SHANK1: variants seen among roughly 807,000 people sequenced by gnomAD.
The protein encoded by SHANK1 is SH3 and multiple ankyrin repeat domains protein 1.
In SHANK1, 35 loss-of-function variants were observed where a neutral mutation model predicts 165.6. That is an observed-to-expected ratio of 0.21 (90% CI 0.16 to 0.28). SHANK1 has a LOEUF of 0.28. SHANK1 is among the 10% of genes least tolerant of loss of function. The pLI is 1.00. For synonymous variants in SHANK1, 1,428 were observed against 1,384.8 expected (o/e 1.03, Z -0.69); for missense variants, 2,681 against 3,036.4 (o/e 0.88, Z 2.75).
intron 15 of SHANK1, among the ~76,000 whole-genome samples, chr19:50,695,886 G>A (rs1986723197): frequency 6.6e-6 from 1 of 152,192 alleles, no homozygotes; most frequent in South Asian, 2.1e-4. Flanking sequence ...GCGGGGAGGG[G>A]GCGGCACACG....
In SHANK1 at chr19:50,703,626, G is replaced by C. The variant is rs1011608153; in HGVS notation, c.1427C>G (p.Ala476Gly). 6.5e-7 allele frequency: 1 copy of C among 1,549,210 alleles called. No individual in the cohort carries two copies. The highest frequency in any genetic ancestry group is 8.7e-7 in the Non-Finnish European group (1 of 1,149,388). Residue 476 changes from alanine to glycine, a missense_variant, in exon 11 of 24, where the codon GCC becomes GGC. Ala to Gly is a moderately conservative substitution (Grantham distance 60). This residue lies in a region of SHANK1 where 195 missense variants were observed against 186.2 expected (regional missense o/e 1.05). Transcript: ENST00000293441. ...SGSQGQSQPS[A>G]PTTKLSSGTL... is the part of the protein sequence containing the mutation. ...CCCGCTGCTGAGCTTGGTGGTGGGGGCCGAGGGCTGCGACTGGCCCTGGGA... is the reference window on the plus strand; with the variant it reads ...CCCGCTGCTGAGCTTGGTGGTGGGGCCCGAGGGCTGCGACTGGCCCTGGGA...
intron 15 of SHANK1, among the ~76,000 whole-genome samples, chr19:50,694,384 T>C (rs1281741020): frequency 6.7e-6 from 1 of 149,630 alleles, no homozygotes; most frequent in African/African-American, 2.5e-5. Context: ...ATGGGGGGAC[T>C]TGCCAACACC....
intron 12 of SHANK1, among the ~76,000 whole-genome samples, chr19:50,698,321 G>A (rs539574254): frequency 6.6e-6 from 1 of 152,112 alleles, no homozygotes; most frequent in East Asian, 1.9e-4. Flanking sequence ...CGGATGGGGC[G>A]ACAAGTTCTA....
chr19:50,704,045 C>T, intron 10 of SHANK1, 75 bp downstream of exon 10: 3 of 1,481,742 alleles, frequency 2.0e-6, no homozygotes, highest in South Asian at 2.3e-5. Flanking sequence ...AGTCAGGTCC[C>T]CCAACTCCCC....
intron 22 of SHANK1, among the ~76,000 whole-genome samples, chr19:50,671,537 T>A (rs905822451): frequency 1.3e-5 from 2 of 151,180 alleles, no homozygotes; most frequent in Admixed American, 6.6e-5. Context: ...CTAGATAATT[T>A]TCTTGCTTAT....
intron 21 of SHANK1, among the ~76,000 whole-genome samples, chr19:50,680,098 A>G (rs1986128576): frequency 6.6e-6 from 1 of 151,990 alleles, no homozygotes; most frequent in Non-Finnish European, 1.5e-5. Flanking sequence ...ACAGAGACAA[A>G]GAGACAAAGA....
At position 50,713,210 on chromosome 19, in the gene SHANK1, C is replaced by T. The variant is rs575066721; in HGVS notation, c.792+588G>A. The stretch of plus-strand genomic sequence containing the variant: ...TGTGAAGAGCAATCAGGTGTCCTGG[C>T]GGGGGCAGGGGGAGAAGAGTATTTT... On this transcript the variant is annotated intron_variant, in intron 6 of 23. Coordinates refer to ENST00000293441, the MANE Select transcript of SHANK1 (RefSeq NM_016148.5). This position sits in a 1 kb window ranked among gnomAD's most constrained non-coding sequence, Gnocchi z 6.2. Among the ~76,000 whole-genome samples the T allele has an allele frequency of 2.6e-5, 4 of 152,142 alleles. No homozygotes were observed. Among genetic ancestry groups the T allele is most frequent in the Non-Finnish European group, 2.9e-5 (2 of 67,992 alleles).
chr19:50,707,730 A>T (rs952080952), intron 8 of SHANK1, among the ~76,000 whole-genome samples: 5 of 151,732 alleles, frequency 3.3e-5, no homozygotes, highest in Non-Finnish European at 2.9e-5. Flanking sequence ...GACGACTCTG[A>T]CTGCCAAAGT....
At chr19:50,700,307 G>C (rs1445902430) in intron 12 of SHANK1, among the ~76,000 whole-genome samples, 1 of 145,572 alleles carries the variant, frequency 6.9e-6, no homozygotes, top group Non-Finnish European at 1.5e-5. Flanking sequence ...GGAGGGCTCG[G>C]GGCATTGGAG....
Position 50,719,683 on chromosome 19 carries a change from C to T in SHANK1, c.-321G>A, listed in dbSNP as rs1027129399. Among the ~76,000 whole-genome samples, 2 of 149,572 alleles carry T rather than the reference C, an allele frequency of 1.3e-5. No individual in the cohort carries two copies. Among genetic ancestry groups the T allele is most frequent in the Non-Finnish European group, 3.0e-5 (2 of 66,818 alleles). ...TCGCCCGCCCCCGGCTCGGTCCGGC[C>T]GGCTCCGGGCGCCGCGTCTCCGCCT... On this transcript the variant is annotated 5_prime_UTR_variant, in exon 1 of 24. Transcript: ENST00000293441.
intron 21 of SHANK1, among the ~76,000 whole-genome samples, chr19:50,678,140 G>A (rs777393785): frequency 1.3e-5 from 2 of 152,174 alleles, no homozygotes; most frequent in African/African-American, 2.4e-5. Flanking sequence ...GAAAGAGGCC[G>A]TGGATCAGAG....
At position 50,662,351 on chromosome 19, in the gene SHANK1, C is replaced by T; in HGVS notation, c.6100G>A (p.Asp2034Asn). The change falls in exon 24 of 24, where the codon GAC becomes AAC. Residue 2034 changes from aspartate (D) to asparagine (N), a missense_variant. Transcript: ENST00000293441. The surrounding 1 kb of genome is among the most constrained non-coding windows in gnomAD (Gnocchi z 7.7). ...CCTCCAGTTGGGGAGCCACGGATGTCAAAGAGGCCTGGGTAGAGGGGTCCG... is the reference window on the plus strand; with the variant it reads ...CCTCCAGTTGGGGAGCCACGGATGTTAAAGAGGCCTGGGTAGAGGGGTCCG... ...PSGPLYPGLF[D>N]IRGSPTGGAG... 1 of 1,599,286 alleles carries T rather than the reference C, an allele frequency of 6.3e-7. No homozygotes were observed. The highest frequency in any genetic ancestry group is 8.5e-7 in the Non-Finnish European group (1 of 1,171,418).
At position 50,711,968 on chromosome 19, in the gene SHANK1, G is replaced by A. The variant is rs144903025; in HGVS notation, c.939C>T (p.Asn313=). 2.4e-4 allele frequency: 391 copies of A among 1,613,934 alleles called. No individual in the cohort carries two copies. Among genetic ancestry groups the A allele is most frequent in the Non-Finnish European group, 2.8e-4 (328 of 1,180,020 alleles). Residue 313 remains asparagine, a synonymous_variant, in exon 7 of 24, where the codon AAC becomes AAT. Transcript: ENST00000293441. The part of the protein sequence containing the change: ...NRAQLGIADE[N]GWQEIHQACQ... ...GCACCTGGTGGATTTCCTGCCAGCCGTTCTCATCAGCTATGCCCAGCTGGG... is the reference window on the plus strand; with the variant it reads ...GCACCTGGTGGATTTCCTGCCAGCCATTCTCATCAGCTATGCCCAGCTGGG...
Position 50,662,634 on chromosome 19 carries a change from G to A in SHANK1, c.5817C>T (p.Ser1939=), listed in dbSNP as rs1234183161. The change falls in exon 24 of 24, where the codon AGC becomes AGT. Residue 1939 remains serine, a synonymous_variant. Coordinates refer to ENST00000293441, the MANE Select transcript of SHANK1 (RefSeq NM_016148.5). The surrounding 1 kb of genome is among the most constrained non-coding windows in gnomAD (Gnocchi z 7.7). ...GTGGTTTGGGCCAGTTCTGAAACAG[G>A]CTGCTGACAGGCTTGGAGAGGAGTG... is the stretch of plus-strand genomic sequence containing the variant. ...QSSLLSKPVS[S]LFQNWPKPPL... is the part of the protein sequence containing the mutation. The A allele has an allele frequency of 7.7e-6, 12 of 1,566,686 alleles. No individual in the cohort carries two copies. Among genetic ancestry groups the A allele is most frequent in the Non-Finnish European group, 7.8e-6 (9 of 1,155,612 alleles).
Position 50,661,958 on chromosome 19 carries a change from C to G in SHANK1, c.*7G>C, listed in dbSNP as rs1375857624. On this transcript the variant is annotated 3_prime_UTR_variant, in exon 24 of 24. Transcript: ENST00000293441. ...TGTGGACGGGGCTGGTCCGTCCAGGCCAGCCATCACCTCTCCAGGAAGAAT... is the reference window on the plus strand; with the variant it reads ...TGTGGACGGGGCTGGTCCGTCCAGGGCAGCCATCACCTCTCCAGGAAGAAT... The G allele has an allele frequency of 1.2e-6, 2 of 1,613,452 alleles. No homozygotes were observed. The highest frequency in any genetic ancestry group is 3.3e-5 in the Admixed American group (2 of 60,004).
chr19:50,716,180 C>T lies in SHANK1; in HGVS notation c.459+95G>A, dbSNP rs950412148. 5.4e-5 allele frequency: 65 copies of T among 1,199,010 alleles called. No homozygotes were observed. The highest frequency in any genetic ancestry group is 7.2e-5 in the Non-Finnish European group (59 of 818,632). 74.3% of individuals were successfully genotyped at this position (1,199,010 alleles called of 1,614,324 possible). A position where few individuals can be genotyped will look rare whatever the true frequency, so the allele number is the denominator to read the frequency against. On this transcript the variant is annotated intron_variant, in intron 3 of 23. Coordinates refer to ENST00000293441, the MANE Select transcript of SHANK1 (RefSeq NM_016148.5). This position sits in a 1 kb window ranked among gnomAD's most constrained non-coding sequence, Gnocchi z 8.4. The stretch of plus-strand genomic sequence containing the variant: ...TGGACTCGCACACTGGGTGCCCCCT[C>T]GTTAAGGTTTCGAGTGTGTTAAAAA...
At chr19:50,709,038 T>C (rs1355206384) in intron 8 of SHANK1, among the ~76,000 whole-genome samples, 1 of 152,192 alleles carries the variant, frequency 6.6e-6, no homozygotes, top group East Asian at 1.9e-4. Context: ...AGGGGGGAAA[T>C]GGAGGAATCA....
intron 21 of SHANK1, among the ~76,000 whole-genome samples, chr19:50,678,686 C>G (rs999363556): frequency 4.4e-5 from 5 of 114,368 alleles, no homozygotes. Context: ...GGGTGGGGGT[C>G]AGGGTGAGAG....
At chr19:50,719,090 G>A (rs1389585718) in intron 1 of SHANK1, among the ~76,000 whole-genome samples, 2 of 151,340 alleles carry the variant, frequency 1.3e-5, no homozygotes, top group Non-Finnish European at 3.0e-5. Flanking sequence ...GCCGGGCTGG[G>A]CGGGGAGGCG....
Sources: allele counts gnomAD v4.1 joint callset (sites outside exome capture counted in the v4.1 genomes callset), GRCh38; gene constraint gnomAD v4.1.1; regional missense constraint gnomAD v4.1.1; non-coding constraint Gnocchi (gnomAD v3.1); transcripts MANE v1.5; gene names NCBI Gene and HGNC (gene_info 2026-07-23, HGNC 2026-07-21).